Variants in ZMIZ1 observed in about 807,000 individuals in gnomAD.
ZMIZ1 encodes the protein zinc finger MIZ domain-containing protein 1.
In ZMIZ1, 17 loss-of-function variants were observed where a neutral mutation model predicts 113.9. The ratio of observed to expected loss-of-function variants is 0.15; its 90% CI spans 0.10 to 0.22. ZMIZ1 has a LOEUF of 0.22. Among genes scored for constraint, ZMIZ1 ranks in the 10% least tolerant of loss-of-function variants. ZMIZ1 has a pLI of 1.00. For missense variants in ZMIZ1, 1,059 were observed against 1,477.8 expected, an observed-to-expected ratio of 0.72 and a Z score of 4.65; for synonymous variants, 607 against 603.1, an observed-to-expected ratio of 1.01 and a Z score of -0.09.
chr10:79,279,012 G>A (rs1852502616), intron 8 of ZMIZ1, among the ~76,000 whole-genome samples: 1 of 151,592 alleles, frequency 6.6e-6, no homozygotes, highest in Admixed American at 6.5e-5. Flanking sequence ...AGACGGGGTG[G>A]CCGGGCAGAG....
intron 2 of ZMIZ1, among the ~76,000 whole-genome samples, chr10:79,137,900 G>T (rs990165409): frequency 1.4e-4 from 21 of 152,148 alleles, no homozygotes; most frequent in African/African-American, 5.1e-4. Flanking sequence ...CTCGGCCCGG[G>T]CTCTGACAGG....
intron 3 of ZMIZ1, among the ~76,000 whole-genome samples, chr10:79,154,845 A>G (rs897326905): frequency 3.3e-5 from 5 of 152,174 alleles, no homozygotes; most frequent in African/African-American, 7.2e-5. Flanking sequence ...TCTCTGTGAT[A>G]CGGGGTTCAG....
At chr10:79,235,041 T>C (rs1410233802) in intron 7 of ZMIZ1, among the ~76,000 whole-genome samples, 2 of 152,228 alleles carry the variant, frequency 1.3e-5, no homozygotes, top group Non-Finnish European at 2.9e-5. Flanking sequence ...TTCTGTGAGC[T>C]CAGCTCTGCA....
At chr10:79,120,779 TC>T in intron 2 of ZMIZ1, among the ~76,000 whole-genome samples, 1 of 152,142 alleles carries the variant, frequency 6.6e-6, no homozygotes, top group Non-Finnish European at 1.5e-5. Context: ...TGGGGGCTGT[TC>T]CTCTCCAGGC....
At chr10:79,228,095 C>T (rs1428840639) in intron 7 of ZMIZ1, among the ~76,000 whole-genome samples, 4 of 152,196 alleles carry the variant, frequency 2.6e-5, no homozygotes, top group African/African-American at 9.7e-5. Context: ...CAAGTCTTCC[C>T]AGCAGCCCAG....
chr10:79,212,437 C>T (rs1283125945), intron 6 of ZMIZ1, among the ~76,000 whole-genome samples: 11 of 152,064 alleles, frequency 7.2e-5, no homozygotes, highest in Non-Finnish European at 1.6e-4. Context: ...TCCTAAGTAC[C>T]TAGGTACCAC....
chr10:79,179,308 G>C (rs1028280392), intron 4 of ZMIZ1, among the ~76,000 whole-genome samples: 1 of 152,214 alleles, frequency 6.6e-6, no homozygotes, highest in Non-Finnish European at 1.5e-5. Context: ...TCTGGGTTCT[G>C]TCTGGATCCC....
At chr10:79,312,322 T>A (rs1365667455) in intron 24 of ZMIZ1, among the ~76,000 whole-genome samples, 1 of 152,264 alleles carries the variant, frequency 6.6e-6, no homozygotes, top group Non-Finnish European at 1.5e-5. Context: ...CCAAGTGACC[T>A]GCCATGGGGC....
At chr10:79,093,751 C>A (rs1250013) in intron 1 of ZMIZ1, among the ~76,000 whole-genome samples, 6 of 152,152 alleles carry the variant, frequency 3.9e-5, no homozygotes, top group Admixed American at 1.3e-4. Flanking sequence ...CTCCCACTAC[C>A]CTATGCACAC....
At chr10:79,080,786 G>A (rs1372479151) in intron 1 of ZMIZ1, among the ~76,000 whole-genome samples, 1 of 152,092 alleles carries the variant, frequency 6.6e-6, no homozygotes, top group Non-Finnish European at 1.5e-5. Context: ...GAAGGAGTGG[G>A]TCTGCATTGG....
intron 7 of ZMIZ1, among the ~76,000 whole-genome samples, chr10:79,219,007 C>T (rs141155275): frequency 6.6e-5 from 10 of 151,204 alleles, no homozygotes; most frequent in African/African-American, 2.2e-4. Context: ...TTTGTGATGA[C>T]AGCTCGGGCT....
intron 7 of ZMIZ1, among the ~76,000 whole-genome samples, chr10:79,245,260 T>C (rs1850122210): frequency 6.6e-6 from 1 of 152,170 alleles, no homozygotes. Context: ...GCTCAGGGAC[T>C]TTTGAGCCCC....
At chr10:79,082,477 A>G (rs932320991) in intron 1 of ZMIZ1, among the ~76,000 whole-genome samples, 4 of 152,130 alleles carry the variant, frequency 2.6e-5, no homozygotes, top group African/African-American at 9.7e-5. Context: ...CAGGCCCCTA[A>G]GACCCAAAGA....
At chr10:79,201,105 C>T (rs975727622) in intron 4 of ZMIZ1, among the ~76,000 whole-genome samples, 1 of 152,090 alleles carries the variant, frequency 6.6e-6, no homozygotes, top group Non-Finnish European at 1.5e-5. Flanking sequence ...GTCAGGAGTT[C>T]GAGACCAGCC....
At position 79,304,158 on chromosome 10, in the gene ZMIZ1, G is replaced by T. The variant is rs368814462; in HGVS notation, c.2269G>T (p.Asp757Tyr). 1 of 1,613,770 alleles carries T rather than the reference G, an allele frequency of 6.2e-7. No individual in the cohort carries two copies. Among genetic ancestry groups the T allele is most frequent in the Non-Finnish European group, 8.5e-7 (1 of 1,179,842 alleles). Residue 757 changes from aspartate (D) to tyrosine (Y), a missense_variant, in exon 19 of 25, where the codon GAT (aspartate) becomes TAT (tyrosine). Asp to Tyr is a radical substitution (Grantham distance 160). Around this residue, in one of 6 missense-constraint regions of ZMIZ1, gnomAD observed 217 missense variants for 426.9 expected, o/e 0.51. Transcript: ENST00000334512. ...CATCCAGCTGCCTGCTCGAGGACAC[G>T]ATTGCAAGCATGTGCAGGTGAGCGG... is the stretch of plus-strand genomic sequence containing the variant. ...RRIQLPARGH[D>Y]CKHVQCFDLE...
rs953351151 is a variant in ZMIZ1 at position 79,281,234 on chromosome 10, G to A, written c.425+3909G>A. On this transcript the variant is annotated intron_variant, in intron 8 of 24. Transcript: ENST00000334512. ...ACAGAGATGAGGTATTTCTGTGCTC[G>A]AGGAGCAGCCTCAAGCTAGTTGGGG... Among the ~76,000 whole-genome samples the A allele has an allele frequency of 2.0e-4, 30 of 152,290 alleles. No individual in the cohort carries two copies. The Middle Eastern group carries it at 0.01, about 52-fold the overall frequency.
intron 5 of ZMIZ1, among the ~76,000 whole-genome samples, chr10:79,204,679 C>A (rs1404330386): frequency 6.6e-6 from 1 of 152,162 alleles, no homozygotes; most frequent in Non-Finnish European, 1.5e-5. Context: ...CAGAGTGGGG[C>A]CCAGCTATTT....
At chr10:79,095,967 G>T (rs1843153788) in intron 1 of ZMIZ1, among the ~76,000 whole-genome samples, 1 of 152,206 alleles carries the variant, frequency 6.6e-6, no homozygotes, top group Non-Finnish European at 1.5e-5. Context: ...GGCAGGTGGG[G>T]CCACAGGCCT....
intron 1 of ZMIZ1, among the ~76,000 whole-genome samples, chr10:79,073,623 G>A (rs35439188): frequency 0.098 from 14,963 of 152,162 alleles, 934 homozygotes; most frequent in African/African-American, 0.18. Context: ...TTCAAGACCA[G>A]TGCCTAGGCA....
Sources: gnomAD v4.1 joint callset for allele counts (sites outside exome capture counted in the v4.1 genomes callset) on GRCh38, gnomAD v4.1.1 for gene constraint, gnomAD v4.1.1 regional missense constraint, MANE v1.5 for transcripts, NCBI Gene and HGNC (gene_info 2026-07-23, HGNC 2026-07-21) for gene names.